Variants in CHEK2 observed in about 807,000 individuals in gnomAD.
The protein encoded by CHEK2 is serine/threonine-protein kinase Chk2.
In CHEK2, 71 loss-of-function variants were observed where a neutral mutation model predicts 69.1. The ratio of observed to expected loss-of-function variants is 1.03; its 90% CI spans 0.85 to 1.25. The LOEUF (loss-of-function observed/expected upper bound fraction) is 1.25, where lower values mean the gene tolerates loss of function less well. CHEK2 is among the 50% of genes most tolerant of loss of function. The pLI is 0.00. For synonymous variants in CHEK2, 189 were observed against 226.9 expected (o/e 0.83, Z 1.50); for missense variants, 664 against 649.6 (o/e 1.02, Z -0.24).
At chr22:28,715,562 G>A (rs888618591) in intron 5 of CHEK2, among the ~76,000 whole-genome samples, 18 of 152,128 alleles carry the variant, frequency 1.2e-4, no homozygotes, top group African/African-American at 4.1e-4. Flanking sequence ...TGGGACTACA[G>A]ACATATGCCA....
chr22:28,710,186 A>C, intron 6 of CHEK2, 127 bp from the exon 7 acceptor site: 1 of 630,452 alleles, frequency 1.6e-6, no homozygotes, highest in Non-Finnish European at 2.9e-6. Context: ...TTATACAAAG[A>C]AATCAAAGCC....
At chr22:28,720,147 G>A (rs1221113711) in intron 4 of CHEK2, among the ~76,000 whole-genome samples, 1 of 143,180 alleles carries the variant, frequency 7.0e-6, no homozygotes, top group Non-Finnish European at 1.5e-5. Flanking sequence ...CTGGAGTGCA[G>A]TGGCATGACC....
At chr22:28,720,472 C>T (rs773696169) in intron 4 of CHEK2, among the ~76,000 whole-genome samples, 1 of 152,060 alleles carries the variant, frequency 6.6e-6, no homozygotes, top group Non-Finnish European at 1.5e-5. Context: ...TAACCACCCA[C>T]GTGGGCCAAG....
chr22:28,730,542 T>C (rs1389345505), intron 2 of CHEK2: 2 of 696,192 alleles, frequency 2.9e-6, no homozygotes, highest in Non-Finnish European at 5.2e-6. Context: ...ATGGCCAGAC[T>C]CTGTCTCTAC....
At position 28,696,894 on chromosome 22, in the gene CHEK2, T is replaced by A; in HGVS notation, c.1095+7A>T. ...GAATAGCCACATACAGAATGCCAATTTCTTACCTTTATAAGACAGTCCTCT... is the reference window on the plus strand; with the variant it reads ...GAATAGCCACATACAGAATGCCAATATCTTACCTTTATAAGACAGTCCTCT... On this transcript the variant is annotated splice_region_variant and intron_variant, in intron 10 of 14. Coordinates refer to ENST00000404276, the MANE Select transcript of CHEK2 (RefSeq NM_007194.4). 1 of 1,595,364 alleles carries A rather than the reference T, an allele frequency of 6.3e-7. No individual in the cohort carries two copies. Among genetic ancestry groups the A allele is most frequent in the Non-Finnish European group, 8.6e-7 (1 of 1,163,008 alleles).
At chr22:28,715,510 C>T (rs929909069) in intron 5 of CHEK2, among the ~76,000 whole-genome samples, 1 of 152,106 alleles carries the variant, frequency 6.6e-6, no homozygotes, top group Non-Finnish European at 1.5e-5. Flanking sequence ...ACCTCCGCCT[C>T]CTGGGTTCAA....
At chr22:28,740,265 A>T (rs1454511386) in intron 1 of CHEK2, among the ~76,000 whole-genome samples, 1 of 152,240 alleles carries the variant, frequency 6.6e-6, no homozygotes, top group Non-Finnish European at 1.5e-5. Context: ...ATTAGTCCTC[A>T]CAAGAAAATT....
chr22:28,737,516 C>G (rs2054447624), intron 1 of CHEK2, among the ~76,000 whole-genome samples: 1 of 149,832 alleles, frequency 6.7e-6, no homozygotes, highest in Non-Finnish European at 1.5e-5. Context: ...GTCACCCAGG[C>G]TGGAGTGCAG....
intron 7 of CHEK2, chr22:28,708,951 TCAAA>T (rs2053277806): frequency 4.4e-6 from 1 of 225,228 alleles, no homozygotes; most frequent in African/African-American, 7.0e-5. Flanking sequence ...AGCCTCCGTC[TCAAA>T]AAAAAAAAAA....
intron 4 of CHEK2, among the ~76,000 whole-genome samples, chr22:28,724,353 G>A (rs2053910661): frequency 6.6e-6 from 1 of 151,994 alleles, no homozygotes; most frequent in Admixed American, 6.6e-5. Flanking sequence ...AGGTTGCGGT[G>A]AGCCGAGATT....
At chr22:28,697,912 A>T (rs1034187606) in intron 9 of CHEK2, among the ~76,000 whole-genome samples, 1 of 151,770 alleles carries the variant, frequency 6.6e-6, no homozygotes, top group Middle Eastern at 3.2e-3. Context: ...ACATATCCAC[A>T]AACTGTACTC....
At chr22:28,732,805 A>G (rs1249565582) in intron 2 of CHEK2, among the ~76,000 whole-genome samples, 3 of 152,106 alleles carry the variant, frequency 2.0e-5, no homozygotes, top group African/African-American at 7.2e-5. Context: ...ATTGCAATGT[A>G]AGCGAAAGGA....
At chr22:28,697,012 C>G in intron 9 of CHEK2, 25 bp from the exon 10 acceptor site, 1 of 1,458,226 alleles carries the variant, frequency 6.9e-7, no homozygotes, top group Non-Finnish European at 9.6e-7. Flanking sequence ...AGGCATGACC[C>G]TCAGATTCAT....
In CHEK2 at chr22:28,689,164, A is replaced by G. The variant is rs587781960; in HGVS notation, c.1513T>C (p.Ser505Pro). 4.4e-6 allele frequency: 7 copies of G among 1,595,378 alleles called. No individual in the cohort carries two copies. The highest frequency in any genetic ancestry group is 3.3e-5 in the Admixed American group (2 of 59,982). ...GCTAGAACCTGGGGTAGAGCTGTGG[A>G]TTCATTTTCCTCAGACAGAAGATCT... ...FQDLLSEENE[S>P]TALPQVLAQP... The change falls in exon 14 of 15, where the codon TCC (serine) becomes CCC (proline). Residue 505 changes from serine (S) to proline (P), a missense_variant. Physicochemically the swap from Ser to Pro is moderately conservative, Grantham distance 74. Transcript: ENST00000404276.
intron 2 of CHEK2, among the ~76,000 whole-genome samples, chr22:28,728,582 G>C (rs1179144479): frequency 6.6e-6 from 1 of 152,068 alleles, no homozygotes; most frequent in Non-Finnish European, 1.5e-5. Flanking sequence ...CGCCCCTGTA[G>C]TCCCAGCTAC....
At chr22:28,715,699 C>G (rs2053564504) in intron 5 of CHEK2, among the ~76,000 whole-genome samples, 1 of 152,112 alleles carries the variant, frequency 6.6e-6, no homozygotes, top group Non-Finnish European at 1.5e-5. Context: ...GGATTACAGG[C>G]GTTAGCCACT....
chr22:28,708,758 T>C (rs1353943252), intron 7 of CHEK2: 10 of 187,656 alleles, frequency 5.3e-5, no homozygotes, highest in Non-Finnish European at 1.1e-4. Context: ...GGTCAGGAGA[T>C]AGAGACCATC....
At chr22:28,718,921 CAG>C (rs1555924184) in intron 5 of CHEK2, among the ~76,000 whole-genome samples, 4 of 131,720 alleles carry the variant, frequency 3.0e-5, no homozygotes, top group Admixed American at 7.6e-5. Flanking sequence ...CACACACACA[CAG>C]GAAATAAAAA....
intron 1 of CHEK2, among the ~76,000 whole-genome samples, chr22:28,738,227 A>C (rs1036278845): frequency 1.3e-5 from 2 of 152,136 alleles, no homozygotes; most frequent in African/African-American, 4.8e-5. Context: ...AAAGATACAA[A>C]GGTTCTGATG....
Sources: gnomAD v4.1 joint callset for allele counts (sites outside exome capture counted in the v4.1 genomes callset) on GRCh38, gnomAD v4.1.1 for gene constraint, MANE v1.5 for transcripts, NCBI Gene and HGNC (gene_info 2026-07-23, HGNC 2026-07-21) for gene names.